Variants in KPNA1 observed in about 807,000 individuals in gnomAD.
KPNA1 encodes importin subunit alpha-5.
A neutral mutation model predicts 70.5 loss-of-function variants in KPNA1; 10 were observed. The observed-to-expected ratio is 0.14, with a 90% CI of 0.09 to 0.24. The LOEUF is 0.24. KPNA1 is among the 10% of genes least tolerant of loss of function. KPNA1 has a pLI of 1.00. For missense variants in KPNA1, 397 were observed against 637.9 expected, an observed-to-expected ratio of 0.62 and a Z score of 4.07; for synonymous variants, 192 against 221.9, an observed-to-expected ratio of 0.87 and a Z score of 1.20.
chr3:122,422,494 A>C lies in KPNA1; in HGVS notation c.*4491T>G, dbSNP rs1465214565. ...AACTTAAGCCTGATTTCGTCATTTT[A>C]AGGGTGCTGATGGTAAGCAGGAGTC... On this transcript the variant is annotated 3_prime_UTR_variant, in exon 14 of 14. Coordinates refer to ENST00000344337, the MANE Select transcript of KPNA1 (RefSeq NM_002264.4). 2 of 152,176 alleles carry C rather than the reference A, an allele frequency of 1.3e-5. No homozygotes were observed. Among genetic ancestry groups the C allele is most frequent in the African/African-American group, 2.4e-5 (1 of 41,436 alleles). The allele number at this position is 152,176 out of a possible 1,614,324, so 9.4% of individuals were successfully genotyped here.
intron 5 of KPNA1, chr3:122,460,728 A>G (rs902421931): frequency 1.1e-6 from 1 of 931,928 alleles, no homozygotes; most frequent in Non-Finnish European, 1.3e-6. Flanking sequence ...CAGTACTGAA[A>G]GCCTAAATTG....
chr3:122,476,876 A>AAAAAAAAAAAAAAAAAAAAC (rs2076505255), intron 2 of KPNA1, among the ~76,000 whole-genome samples: 1 of 150,456 alleles, frequency 6.6e-6, no homozygotes, highest in Non-Finnish European at 1.5e-5. Flanking sequence ...AAAAAAAAAA[A>AAAAAAAAAAAAAAAAAAAAC]AAAAAAAACT....
chr3:122,512,934 A>C (rs2076971272), intron 1 of KPNA1, among the ~76,000 whole-genome samples: 1 of 152,202 alleles, frequency 6.6e-6, no homozygotes, highest in Non-Finnish European at 1.5e-5. Flanking sequence ...ATAATAACTG[A>C]CAAAATGTTA....
At chr3:122,489,299 G>GTT (rs200563789) in intron 2 of KPNA1, among the ~76,000 whole-genome samples, 1 of 143,444 alleles carries the variant, frequency 7.0e-6, no homozygotes, top group Non-Finnish European at 1.5e-5. Context: ...TTTTTTGTTT[G>GTT]TTTTTTTTTT....
chr3:122,471,099 T>C (rs2076437617), intron 2 of KPNA1, among the ~76,000 whole-genome samples: 1 of 152,152 alleles, frequency 6.6e-6, no homozygotes, highest in Non-Finnish European at 1.5e-5. Flanking sequence ...GATGCAAAAT[T>C]GGAATTCAGT....
intron 2 of KPNA1, among the ~76,000 whole-genome samples, chr3:122,484,911 T>C (rs1372273838): frequency 1.3e-5 from 2 of 152,222 alleles, no homozygotes; most frequent in African/African-American, 4.8e-5. Context: ...TTTTACTTTT[T>C]TTAAGGGATG....
At chr3:122,499,029 A>G (rs1023867713) in intron 1 of KPNA1, among the ~76,000 whole-genome samples, 1 of 152,244 alleles carries the variant, frequency 6.6e-6, no homozygotes, top group African/African-American at 2.4e-5. Context: ...ACTGTTCACA[A>G]ATCTAGAAAA....
At chr3:122,494,777 G>A (rs2076738384) in intron 2 of KPNA1, among the ~76,000 whole-genome samples, 1 of 152,062 alleles carries the variant, frequency 6.6e-6, no homozygotes, top group African/African-American at 2.4e-5. Context: ...TCACCAAGAA[G>A]AAACAGAATA....
At chr3:122,496,293 G>A (rs1442919793) in intron 2 of KPNA1, 144 bp downstream of exon 2, 1 of 608,588 alleles carries the variant, frequency 1.6e-6, no homozygotes, top group Non-Finnish European at 2.7e-6. Flanking sequence ...CCAAAAAAGT[G>A]TTGATTTTAC....
chr3:122,506,798 G>C (rs1166531464), intron 1 of KPNA1, among the ~76,000 whole-genome samples: 3 of 152,122 alleles, frequency 2.0e-5, no homozygotes, highest in African/African-American at 7.2e-5. Context: ...AGTATCTATA[G>C]GTTCCCAAGC....
chr3:122,424,721 G>T lies in KPNA1; in HGVS notation c.*2264C>A, dbSNP rs756206152. On this transcript the variant is annotated 3_prime_UTR_variant, in exon 14 of 14. Coordinates refer to ENST00000344337, the MANE Select transcript of KPNA1 (RefSeq NM_002264.4). ...TCCCACTCAAATTGGCTTATAAAAT[G>T]AAATTATTTTAACTATCCAATGGAA... 7.2e-5 allele frequency: 11 copies of T among 152,618 alleles called. No individual in the cohort carries two copies. In the South Asian group the frequency reaches 2.1e-3, roughly 29 times the overall value. 9.5% of individuals were successfully genotyped at this position (152,618 alleles called of 1,614,324 possible).
intron 2 of KPNA1, among the ~76,000 whole-genome samples, chr3:122,486,644 G>A (rs1435935622): frequency 6.6e-5 from 10 of 151,838 alleles, no homozygotes; most frequent in Admixed American, 6.6e-4. Context: ...CTGGAGTGCA[G>A]TGGCGCGATC....
intron 5 of KPNA1, chr3:122,459,378 C>G: frequency 2.1e-6 from 2 of 975,146 alleles, no homozygotes; most frequent in Non-Finnish European, 2.4e-6. Context: ...CTCATCTACT[C>G]TCATTCCCAG....
chr3:122,481,258 G>A (rs1296921935), intron 2 of KPNA1, among the ~76,000 whole-genome samples: 7 of 152,106 alleles, frequency 4.6e-5, no homozygotes, highest in African/African-American at 2.4e-5. Flanking sequence ...ATTCACAATA[G>A]TAAAAAAGTT....
chr3:122,486,553 A>T (rs951595635), intron 2 of KPNA1, among the ~76,000 whole-genome samples: 14 of 152,094 alleles, frequency 9.2e-5, no homozygotes, highest in Admixed American at 9.2e-4. Context: ...GACTGTCATA[A>T]ACCTATTTTT....
intron 5 of KPNA1, among the ~76,000 whole-genome samples, 176 bp downstream of exon 5, chr3:122,461,048 C>T (rs2076318476): frequency 6.6e-6 from 1 of 151,936 alleles, no homozygotes; most frequent in South Asian, 2.1e-4. Flanking sequence ...AAGAGTATAA[C>T]GAAGGCCTAC....
intron 5 of KPNA1, chr3:122,459,770 CTACCTT>C: frequency 1.0e-6 from 1 of 985,422 alleles, no homozygotes; most frequent in East Asian, 1.1e-4. Context: ...TTGAAGTACT[CTACCTT>C]TTCTGGATTT....
At chr3:122,475,913 T>G (rs900158220) in intron 2 of KPNA1, among the ~76,000 whole-genome samples, 1 of 152,034 alleles carries the variant, frequency 6.6e-6, no homozygotes, top group African/African-American at 2.4e-5. Context: ...CATCTTCAAG[T>G]TGAGTAAGCT....
At chr3:122,505,368 T>C (rs535945475) in intron 1 of KPNA1, among the ~76,000 whole-genome samples, 1 of 151,510 alleles carries the variant, frequency 6.6e-6, no homozygotes, top group Admixed American at 6.6e-5. Context: ...TTTAAAACAA[T>C]GTAAAATACA....
Sources: gnomAD v4.1 joint callset for allele counts (sites outside exome capture counted in the v4.1 genomes callset) on GRCh38, gnomAD v4.1.1 for gene constraint, MANE v1.5 for transcripts, NCBI Gene and HGNC (gene_info 2026-07-23, HGNC 2026-07-21) for gene names.